Variants in PDE11A observed in about 807,000 individuals in gnomAD.
PDE11A encodes phosphodiesterase 11A.
Under a neutral mutation model 100.5 loss-of-function variants are expected in PDE11A, and 100 were observed. The ratio of observed to expected loss-of-function variants is 1.00; its 90% confidence interval spans 0.85 to 1.18. PDE11A has a LOEUF of 1.18. Ranked by LOEUF, PDE11A falls within the 50% of genes most tolerant of loss-of-function variation. The pLI, the probability that PDE11A is intolerant of heterozygous loss-of-function variation, is 0.00. For synonymous variants in PDE11A, 381 were observed against 420.8 expected (o/e 0.91, Z 1.16); for missense variants, 1,141 against 1,152.6 (o/e 0.99, Z 0.15).
chr2:177,997,210 C>T (rs546361122), intron 2 of PDE11A: 20 of 1,286,668 alleles, frequency 1.6e-5, no homozygotes, highest in African/African-American at 1.2e-4. Flanking sequence ...GAGTCTTCCA[C>T]GACTACGATT....
At chr2:177,885,498 G>A (rs928312450) in intron 4 of PDE11A, among the ~76,000 whole-genome samples, 4 of 152,026 alleles carry the variant, frequency 2.6e-5, no homozygotes, top group African/African-American at 9.7e-5. Context: ...TAATAGTTTG[G>A]GTAATCATCA....
chr2:177,802,325 A>G lies in PDE11A; in HGVS notation c.1737+14504T>C, dbSNP rs993107657. Among the ~76,000 whole-genome samples, 5 of 152,178 alleles carry G rather than the reference A, an allele frequency of 3.3e-5. No individual in the cohort carries two copies. The Middle Eastern group carries it at 0.01, about 311-fold the overall frequency. On this transcript the variant is annotated intron_variant, in intron 9 of 19. Transcript: ENST00000286063. ...TGGAAGTTCTTATAAAACTAAACACATACTGACCTTTTGACCAAGTAATAC... is the reference window on the plus strand; with the variant it reads ...TGGAAGTTCTTATAAAACTAAACACGTACTGACCTTTTGACCAAGTAATAC...
chr2:177,910,398 GTC>G (rs532961536), intron 2 of PDE11A, among the ~76,000 whole-genome samples: 4 of 139,810 alleles, frequency 2.9e-5, no homozygotes, highest in Admixed American at 7.9e-5. Flanking sequence ...TGTTACAGAT[GTC>G]TCTCTCTCTC....
chr2:177,713,987 C>CTTTTTTTTTTTTTTTTTTTTT lies in PDE11A; in HGVS notation c.2044-2130_2044-2110dup, dbSNP rs57211363. ...TCCCACCATATTTCTTTTCTTTTTT[C>CTTTTTTTTTTTTTTTTTTTTT]TTTTTTTTTTTTTTTTTTTTTTTTG... On this transcript the variant is annotated intron_variant, in intron 12 of 19. Coordinates refer to ENST00000286063, the MANE Select transcript of PDE11A (RefSeq NM_016953.4). Among the ~76,000 whole-genome samples, 105 of 77,404 alleles carry CTTTTTTTTTTTTTTTTTTTTT rather than the reference C, an allele frequency of 1.4e-3. 8 individuals are homozygous for CTTTTTTTTTTTTTTTTTTTTT. Among genetic ancestry groups the CTTTTTTTTTTTTTTTTTTTTT allele is most frequent in the South Asian group, 3.1e-3 (5 of 1,610 alleles). The allele number at this position is 77,404 out of a possible 152,430, so 50.8% of individuals were successfully genotyped here.
Position 178,068,200 on chromosome 2 carries a change from T to C in PDE11A, c.912+3326A>G, listed in dbSNP as rs1431956897. On this transcript the variant is annotated intron_variant, in intron 1 of 19. Transcript: ENST00000286063. ...CTGGGGAAAGGTATACTGCAGTCAC[T>C]ATGATCTGGACTGGATACCTAAAAA... 2.0e-5 allele frequency among the ~76,000 whole-genome samples: 3 copies of C among 152,128 alleles called. No individual in the cohort carries two copies. The East Asian group carries it at 5.8e-4, about 29-fold the overall frequency.
intron 15 of PDE11A, among the ~76,000 whole-genome samples, chr2:177,692,006 C>T (rs2081047425): frequency 6.6e-6 from 1 of 152,182 alleles, no homozygotes; most frequent in Admixed American, 6.5e-5. Flanking sequence ...TTTAAGGCAA[C>T]TTGAATCCAT....
Position 177,711,880 on chromosome 2 carries a change from T to G in PDE11A, c.2044-2A>C, listed in dbSNP as rs756032402. The stretch of plus-strand genomic sequence containing the variant: ...CAGAATGTCTTGAAACCCAGCAGTC[T>G]GGGAAGAAGGGGAAAATGGCAACAG... On this transcript the variant is annotated splice_acceptor_variant, in intron 12 of 19. Coordinates refer to ENST00000286063, the MANE Select transcript of PDE11A (RefSeq NM_016953.4). LOFTEE classifies it high-confidence loss of function. 7 of 1,566,308 alleles carry G rather than the reference T, an allele frequency of 4.5e-6. No homozygotes were observed. The highest frequency in any genetic ancestry group is 6.2e-6 in the Non-Finnish European group (7 of 1,136,684).
chr2:177,718,785 A>G (rs1487107369), intron 12 of PDE11A, among the ~76,000 whole-genome samples: 1 of 152,320 alleles, frequency 6.6e-6, no homozygotes, highest in East Asian at 1.9e-4. Context: ...ATATTTATAC[A>G]CGTGTATGTA....
At position 177,624,785 on chromosome 2, in the gene PDE11A, A is replaced by G. The variant is rs1394216546; in HGVS notation, c.*4622T>C. On this transcript the variant is annotated 3_prime_UTR_variant, in exon 20 of 20. Coordinates refer to ENST00000286063, the MANE Select transcript of PDE11A (RefSeq NM_016953.4). ...TGTTTTTTATGAAATAAAAGGACAT[A>G]TAAGGTGGGTGTGGTGGTTCATATC... 1 of 152,256 alleles carries G rather than the reference A, an allele frequency of 6.6e-6. No homozygotes were observed. The highest frequency in any genetic ancestry group is 2.4e-5 in the African/African-American group (1 of 41,466). 9.4% of individuals were successfully genotyped at this position (152,256 alleles called of 1,614,324 possible).
intron 9 of PDE11A, among the ~76,000 whole-genome samples, chr2:177,774,451 G>A (rs1558931914): frequency 6.6e-6 from 1 of 152,188 alleles, no homozygotes; most frequent in Non-Finnish European, 1.5e-5. Context: ...AAACTTGGGA[G>A]AGCACTCACT....
intron 4 of PDE11A, among the ~76,000 whole-genome samples, chr2:177,896,242 G>C (rs2105725068): frequency 6.6e-6 from 1 of 152,256 alleles, no homozygotes; most frequent in African/African-American, 2.4e-5. Context: ...TGAAGATACT[G>C]CTGTTTCTAC....
chr2:178,043,091 T>C (rs1421100320), intron 1 of PDE11A, among the ~76,000 whole-genome samples: 1 of 152,196 alleles, frequency 6.6e-6, no homozygotes, highest in Non-Finnish European at 1.5e-5. Context: ...CTGGTTGTGG[T>C]TTATGCAGTG....
chr2:177,784,246 C>G (rs1040214772), intron 9 of PDE11A, among the ~76,000 whole-genome samples: 2 of 151,344 alleles, frequency 1.3e-5, no homozygotes, highest in African/African-American at 2.4e-5. Flanking sequence ...CTGCCAAAAC[C>G]TGCCAAAACC....
intron 15 of PDE11A, among the ~76,000 whole-genome samples, chr2:177,683,073 G>A (rs994490689): frequency 6.6e-6 from 1 of 152,140 alleles, no homozygotes; most frequent in Non-Finnish European, 1.5e-5. Context: ...TCTGTGTCTG[G>A]CCTGGGGTGC....
At chr2:177,711,094 T>G (rs1574068644) in intron 13 of PDE11A, among the ~76,000 whole-genome samples, 1 of 152,370 alleles carries the variant, frequency 6.6e-6, no homozygotes, top group East Asian at 1.9e-4. Context: ...CCATAAGTTC[T>G]GTGGCCTTGG....
rs529763738 is a variant in PDE11A at position 177,717,969 on chromosome 2, T to G, written c.2044-6091A>C. Among the ~76,000 whole-genome samples, 19 of 152,342 alleles carry G rather than the reference T, an allele frequency of 1.2e-4. 1 individual carries two copies. Among genetic ancestry groups the G allele is most frequent in the Admixed American group, 3.9e-4 (6 of 15,298 alleles). ...AGAAAAATGACTGTTACTTTGTGAC[T>G]CTGTTGAATCCAAACAGGTGTAAAA... is the stretch of plus-strand genomic sequence containing the variant. On this transcript the variant is annotated intron_variant, in intron 12 of 19. Transcript: ENST00000286063.
chr2:177,908,516 T>A, intron 2 of PDE11A, among the ~76,000 whole-genome samples: 1 of 151,930 alleles, frequency 6.6e-6, no homozygotes, highest in African/African-American at 2.4e-5. Flanking sequence ...ATACTCTTGG[T>A]AGTGAAAGGG....
At chr2:177,811,747 G>T (rs1211581382) in intron 9 of PDE11A, among the ~76,000 whole-genome samples, 2 of 151,994 alleles carry the variant, frequency 1.3e-5, no homozygotes, top group African/African-American at 4.8e-5. Flanking sequence ...GTATTTCTAT[G>T]CCCTAGACTT....
intron 10 of PDE11A, among the ~76,000 whole-genome samples, chr2:177,747,101 C>T (rs2081959007): frequency 2.0e-5 from 3 of 152,132 alleles, no homozygotes; most frequent in Admixed American, 2.0e-4. Context: ...TGTTCTGAAG[C>T]TTTATTGTGG....
Sources: allele counts gnomAD v4.1 joint callset (sites outside exome capture counted in the v4.1 genomes callset), GRCh38; gene constraint gnomAD v4.1.1; transcripts MANE v1.5; gene names NCBI Gene and HGNC (gene_info 2026-07-23, HGNC 2026-07-21).